Variants in OVCH2 observed in about 807,000 individuals in gnomAD.
OVCH2 encodes the protein ovochymase-2.
A neutral mutation model predicts 73.7 loss-of-function variants in OVCH2; 88 were observed. That is an observed-to-expected ratio of 1.19 (90% CI 1.01 to 1.43). The LOEUF is 1.43. Ranked by LOEUF, OVCH2 falls within the 40% of genes most tolerant of loss-of-function variation. The pLI is 0.00. For synonymous variants in OVCH2, 265 were observed against 234.5 expected, an observed-to-expected ratio of 1.13 and a Z score of -1.19; for missense variants, 706 against 674.5, an observed-to-expected ratio of 1.05 and a Z score of -0.52.
At chr11:7,694,509 T>C (rs1856283983) in intron 12 of OVCH2, among the ~76,000 whole-genome samples, 1 of 152,168 alleles carries the variant, frequency 6.6e-6, no homozygotes, top group Admixed American at 6.5e-5. Context: ...TTGACCTTGA[T>C]TTTGTTATCT....
Position 7,701,822 on chromosome 11 carries a change from G to A in OVCH2, c.464-11C>T, listed in dbSNP as rs1426512031. ...GCCCCACAAAGTGGCCTGAAGAAAA[G>A]AGCAAGGTAGGGCTTGTCTCATTCA... On this transcript the variant is annotated splice_polypyrimidine_tract_variant and intron_variant, in intron 4 of 15. Transcript: ENST00000533663. The A allele has an allele frequency of 6.3e-7, 1 of 1,599,816 alleles. No individual in the cohort carries two copies. The highest frequency in any genetic ancestry group is 8.5e-7 in the Non-Finnish European group (1 of 1,172,024).
chr11:7,687,568 T>C (rs7936377), downstream of OVCH2, among the ~76,000 whole-genome samples: 56,580 of 151,782 alleles, frequency 0.37, 12,478 homozygotes, highest in African/African-American at 0.62. Context: ...ATTCACTCTC[T>C]ATCTTTAGCA....
the OVCH2 span, among the ~76,000 whole-genome samples, chr11:7,684,033 T>C: frequency 6.7e-6 from 1 of 149,234 alleles, no homozygotes; most frequent in Non-Finnish European, 1.5e-5. Flanking sequence ...TATTAAAATA[T>C]ATATTATATA....
downstream of OVCH2, among the ~76,000 whole-genome samples, chr11:7,688,155 T>G (rs999650760): frequency 6.6e-6 from 1 of 152,102 alleles, no homozygotes; most frequent in Non-Finnish European, 1.5e-5. Context: ...CCTTTCAGCC[T>G]TTTTCTTTGG....
At chr11:7,705,849 G>A (rs1011582541) in intron 1 of OVCH2, among the ~76,000 whole-genome samples, 1 of 152,246 alleles carries the variant, frequency 6.6e-6, no homozygotes, top group Non-Finnish European at 1.5e-5. Flanking sequence ...AATCTTCCAA[G>A]AACTGTTTTC....
chr11:7,703,627 G>A, intron 3 of OVCH2, 71 bp downstream of exon 3: 1 of 1,232,632 alleles, frequency 8.1e-7, no homozygotes, highest in Non-Finnish European at 1.1e-6. Context: ...TTTTAATAGG[G>A]TTATTGCTGA....
chr11:7,700,759 C>T (rs928400203), intron 6 of OVCH2, among the ~76,000 whole-genome samples: 1 of 152,170 alleles, frequency 6.6e-6, no homozygotes, highest in Non-Finnish European at 1.5e-5. Context: ...GCTGCAGACT[C>T]AGAGAAGTCT....
chr11:7,692,438 C>G (rs1856239782), intron 12 of OVCH2, among the ~76,000 whole-genome samples: 1 of 152,164 alleles, frequency 6.6e-6, no homozygotes, highest in Non-Finnish European at 1.5e-5. Flanking sequence ...TGTTGTGCCC[C>G]TTGGAGACCG....
At chr11:7,684,347 T>G in the OVCH2 span, among the ~76,000 whole-genome samples, 26 of 152,166 alleles carry the variant, frequency 1.7e-4, no homozygotes, top group Non-Finnish European at 8.8e-5. Context: ...TCATTTCTTG[T>G]GAGCCTCGTC....
downstream of OVCH2, among the ~76,000 whole-genome samples, chr11:7,688,695 A>C (rs1216162852): frequency 1.3e-5 from 2 of 152,252 alleles, no homozygotes; most frequent in Non-Finnish European, 1.5e-5. Context: ...GCAAAATGGC[A>C]AACTATAAAA....
rs2136161499 is a variant in OVCH2 at position 7,701,726 on chromosome 11, G to A, written c.549C>T (p.Arg183=). ...GFICTTAGWG[R]LTEGGVLSQV... ...CACACAAGTTCTTACCTTCAGTTAA[G>A]CGGCCCCAGCCTGCAGTTGTACAAA... is the stretch of plus-strand genomic sequence containing the variant. The change falls in exon 5 of 16, where the codon CGC becomes CGT. Residue 183 remains arginine, a synonymous_variant. Transcript: ENST00000533663. 1.2e-6 allele frequency: 2 copies of A among 1,611,478 alleles called. No individual in the cohort carries two copies. The highest frequency in any genetic ancestry group is 1.7e-4 in the Middle Eastern group (1 of 6,060).
At chr11:7,684,771 G>A (rs73398718), downstream of OVCH2, among the ~76,000 whole-genome samples, 41,804 of 151,864 alleles carry the variant, frequency 0.28, 7,644 homozygotes, top group African/African-American at 0.52. Flanking sequence ...ATCAGCGAAA[G>A]TCTATTTGCC....
Position 7,704,679 on chromosome 11 carries a change from GA to G in OVCH2, c.89-6del. On this transcript the variant is annotated splice_polypyrimidine_tract_variant and splice_region_variant and intron_variant, in intron 1 of 15. Transcript: ENST00000533663. ...GACTCTGCCCACAACTGGGAGCTGA[GA>G]AAAAAACGAGACAAACTAAATGATT... 5 of 1,580,370 alleles carry G rather than the reference GA, an allele frequency of 3.2e-6. No individual in the cohort carries two copies. Among genetic ancestry groups the G allele is most frequent in the South Asian group, 1.1e-5 (1 of 88,196 alleles).
intron 3 of OVCH2, among the ~76,000 whole-genome samples, chr11:7,702,660 G>T (rs1365489499): frequency 6.6e-6 from 1 of 152,148 alleles, no homozygotes; most frequent in African/African-American, 2.4e-5. Flanking sequence ...AGCTACCCTG[G>T]GAGGTTGACC....
Position 7,691,350 on chromosome 11 carries a change from T to C in OVCH2, c.1558A>G (p.Ile520Val), listed in dbSNP as rs1307989023. ...VPTPVLSPSS[I>V]MLISFQSDEN... ...TCTGATTGGAAGCTGATGAGCATGA[T>C]GCTGGAGGGGCTCAGCACAGGGGTG... The change falls in exon 14 of 16, where the codon ATC becomes GTC. Residue 520 changes from isoleucine (I) to valine (V), a missense_variant. Ile to Val is a conservative substitution (Grantham distance 29). Coordinates refer to ENST00000533663, the MANE Select transcript of OVCH2 (RefSeq NM_198185.7). 2 of 1,613,772 alleles carry C rather than the reference T, an allele frequency of 1.2e-6. No homozygotes were observed. The highest frequency in any genetic ancestry group is 1.1e-5 in the South Asian group (1 of 91,080).
chr11:7,679,523 G>T, the OVCH2 span, among the ~76,000 whole-genome samples: 1 of 152,114 alleles, frequency 6.6e-6, no homozygotes, highest in Non-Finnish European at 1.5e-5. Context: ...CAGATCTGAT[G>T]GTTTCATAGG....
Position 7,700,342 on chromosome 11 carries a change from T to G in OVCH2, c.855A>C (p.Thr285=). 1 of 1,613,926 alleles carries G rather than the reference T, an allele frequency of 6.2e-7. No homozygotes were observed. The highest frequency in any genetic ancestry group is 8.5e-7 in the Non-Finnish European group (1 of 1,179,864). Residue 285 remains threonine, a synonymous_variant, in exon 7 of 16, where the codon ACA becomes ACC. Coordinates refer to ENST00000533663, the MANE Select transcript of OVCH2 (RefSeq NM_198185.7). The part of the protein sequence containing the change: ...KSDQGSPGIF[T]DISKVLPWIH... Reference sequence around the variant, plus strand: ...TCCAGGGAAGCACTTTACTAATGTCTGTGAAGATCCCAGGGGATCCTTGAT... The same window carrying G: ...TCCAGGGAAGCACTTTACTAATGTCGGTGAAGATCCCAGGGGATCCTTGAT...
At chr11:7,684,160 G>A in the OVCH2 span, among the ~76,000 whole-genome samples, 9 of 152,072 alleles carry the variant, frequency 5.9e-5, no homozygotes, top group Non-Finnish European at 1.5e-5. Flanking sequence ...TGGATGAGAT[G>A]TCCTTGAGGA....
rs1856185441 is a variant in OVCH2, at chr11:7,689,838, A to T, written c.*31+86T>A. ...GGACTCTAGTATATTTTGGAGGAAG[A>T]TGGAATTAAATCCATATCACCTGCT... is the stretch of plus-strand genomic sequence containing the variant. On this transcript the variant is annotated intron_variant, in intron 15 of 15. Coordinates refer to ENST00000533663, the MANE Select transcript of OVCH2 (RefSeq NM_198185.7). 8 of 818,200 alleles carry T rather than the reference A, an allele frequency of 9.8e-6. 1 individual carries two copies. In the South Asian group the frequency reaches 1.0e-4, roughly 10 times the overall value. The allele number at this position is 818,200 out of a possible 1,614,324, so 50.7% of individuals were successfully genotyped here.
Sources: allele counts gnomAD v4.1 joint callset (sites outside exome capture counted in the v4.1 genomes callset), GRCh38; gene constraint gnomAD v4.1.1; transcripts MANE v1.5; gene names NCBI Gene and HGNC (gene_info 2026-07-23, HGNC 2026-07-21).